Variants in KDM1B observed in about 807,000 individuals in gnomAD.
The protein encoded by KDM1B is lysine demethylase 1B.
KDM1B carries 63 observed loss-of-function variants against 107.4 expected under a neutral mutation model. That is an observed-to-expected ratio of 0.59 (90% CI 0.48 to 0.72). The LOEUF (loss-of-function observed/expected upper bound fraction) is 0.72. Among genes scored for constraint, KDM1B ranks in the 30% least tolerant of loss-of-function variants. The pLI is 0.00. For synonymous variants in KDM1B, 363 were observed against 363.9 expected, an observed-to-expected ratio of 1.00 and a Z score of 0.03; for missense variants, 749 against 1,020.8, an observed-to-expected ratio of 0.73 and a Z score of 3.63.
chr6:18,166,300 G>GA lies in KDM1B; in HGVS notation c.346dup (p.Ile116AsnfsTer4). 1 of 1,609,874 alleles carries GA rather than the reference G, an allele frequency of 6.2e-7. No homozygotes were observed. Among genetic ancestry groups the GA allele is most frequent in the Non-Finnish European group, 8.5e-7 (1 of 1,176,266 alleles). On this transcript the variant is annotated frameshift_variant, in exon 6 of 22. Transcript: ENST00000650836. LOFTEE classifies it high-confidence loss of function. The stretch of plus-strand genomic sequence containing the variant: ...ATGGATATGACAAATATACTACATG[G>GA]AAAAAAATATGGACTAGCAATGGCA...
intron 7 of KDM1B, among the ~76,000 whole-genome samples, chr6:18,177,117 C>T (rs1449374434): frequency 1.3e-5 from 2 of 152,082 alleles, no homozygotes; most frequent in Non-Finnish European, 2.9e-5. Context: ...TGTTGGTAAT[C>T]TTTTAATTAC....
chr6:18,177,983 T>C (rs1405052076), intron 7 of KDM1B, among the ~76,000 whole-genome samples: 2 of 152,146 alleles, frequency 1.3e-5, no homozygotes. Context: ...CTCCCAACAG[T>C]GTTTTCTAAT....
Position 18,200,309 on chromosome 6 carries a change from T to C in KDM1B, c.1222-130T>C. On this transcript the variant is annotated intron_variant, in intron 12 of 21. Transcript: ENST00000650836. This position sits in a 1 kb window ranked among gnomAD's most constrained non-coding sequence, Gnocchi z 4.3. ...TCACACTGCCTGCTTTTTAAAGTTG[T>C]TTTTTTAGAAATATTTGGAATTAAC... The C allele has an allele frequency of 1.0e-6, 1 of 971,946 alleles. No homozygotes were observed. Among genetic ancestry groups the C allele is most frequent in the Non-Finnish European group, 1.5e-6 (1 of 666,054 alleles). The allele number at this position is 971,946 out of a possible 1,614,324, so 60.2% of individuals were successfully genotyped here. A position where few individuals can be genotyped will look rare whatever the true frequency, so the allele number is the denominator to read the frequency against.
chr6:18,173,739 A>T (rs949547796), intron 7 of KDM1B, among the ~76,000 whole-genome samples: 4 of 152,134 alleles, frequency 2.6e-5, no homozygotes, highest in African/African-American at 9.7e-5. Flanking sequence ...CCGTTTGCTA[A>T]AAAGACTGTA....
At position 18,207,599 on chromosome 6, in the gene KDM1B, C is replaced by G. The variant is rs1429690474; in HGVS notation, c.1791+70C>G. ...AGGATGTGAAGTTCTGGGCATGCGGCTCACGCAGGAGAATGGGGCTGGCTT... is the reference window on the plus strand; with the variant it reads ...AGGATGTGAAGTTCTGGGCATGCGGGTCACGCAGGAGAATGGGGCTGGCTT... On this transcript the variant is annotated intron_variant, in intron 16 of 21. Coordinates refer to ENST00000650836, the MANE Select transcript of KDM1B (RefSeq NM_001364614.2). 196 of 1,586,646 alleles carry G rather than the reference C, an allele frequency of 1.2e-4. No homozygotes were observed. In the Admixed American group the frequency reaches 3.1e-3, roughly 25 times the overall value.
intron 2 of KDM1B, among the ~76,000 whole-genome samples, chr6:18,158,336 A>G (rs1018336202): frequency 1.3e-5 from 2 of 151,972 alleles, no homozygotes; most frequent in Non-Finnish European, 2.9e-5. Context: ...AAAAAAAAAA[A>G]AAAAAAAAAG....
At chr6:18,187,429 T>C (rs552087175) in intron 8 of KDM1B, among the ~76,000 whole-genome samples, 112 of 152,234 alleles carry the variant, frequency 7.4e-4, no homozygotes, top group African/African-American at 2.4e-3. Context: ...GATAGATGAT[T>C]ACTGAGCAGA....
intron 6 of KDM1B, among the ~76,000 whole-genome samples, chr6:18,169,205 G>A (rs1220608501): frequency 1.3e-5 from 2 of 148,542 alleles, no homozygotes; most frequent in Non-Finnish European, 3.0e-5. Flanking sequence ...TCTTTTTGTA[G>A]TTGAGTTGTA....
At chr6:18,163,835 C>T (rs533720353) in intron 5 of KDM1B, among the ~76,000 whole-genome samples, 40 of 152,060 alleles carry the variant, frequency 2.6e-4, no homozygotes, top group African/African-American at 7.7e-4. Flanking sequence ...CTTTATGGCC[C>T]GTAATGTAGT....
Position 18,199,326 on chromosome 6 carries a change from C to T in KDM1B, c.1222-1113C>T, listed in dbSNP as rs79286604. On this transcript the variant is annotated intron_variant, in intron 12 of 21. Transcript: ENST00000650836. ...AGTTTGGAGAATCAATATTCCTTTCCGCCCCATCCCCAAGTGATGGGGGAG... is the reference window on the plus strand; with the variant it reads ...AGTTTGGAGAATCAATATTCCTTTCTGCCCCATCCCCAAGTGATGGGGGAG... Among the ~76,000 whole-genome samples, 1,304 of 152,216 alleles carry T rather than the reference C, an allele frequency of 8.6e-3. 23 individuals carry two copies. The highest frequency in any genetic ancestry group is 0.029 in the African/African-American group (1,192 of 41,516).
chr6:18,187,009 C>A (rs951146375), intron 8 of KDM1B, among the ~76,000 whole-genome samples: 4 of 133,412 alleles, frequency 3.0e-5, no homozygotes, highest in South Asian at 2.4e-4. Flanking sequence ...CATTTTTTTT[C>A]CAGGCTCCAG....
intron 21 of KDM1B, 96 bp from the exon 22 acceptor site, chr6:18,221,813 C>CT (rs1789774406): frequency 3.0e-6 from 3 of 988,242 alleles, no homozygotes; most frequent in Admixed American, 2.3e-5. Flanking sequence ...TGGCACAAAT[C>CT]TTTATGTTAG....
chr6:18,169,555 A>G (rs1220558027), intron 6 of KDM1B, among the ~76,000 whole-genome samples: 1 of 152,130 alleles, frequency 6.6e-6, no homozygotes, highest in Non-Finnish European at 1.5e-5. Context: ...CTAAACCCTT[A>G]TTAGATCTAT....
Position 18,205,840 on chromosome 6 carries a change from A to G in KDM1B, c.1659+176A>G, listed in dbSNP as rs1399472005. 6.6e-6 allele frequency among the ~76,000 whole-genome samples: 1 copy of G among 152,070 alleles called. No individual in the cohort carries two copies. The highest frequency in any genetic ancestry group is 6.6e-5 in the Admixed American group (1 of 15,254). ...AACCCTGTCTCTACTAAAATACAAA[A>G]AATTAGCCAGGCCTGGTGGCGCATA... On this transcript the variant is annotated intron_variant, in intron 15 of 21. Transcript: ENST00000650836. The surrounding 1 kb of genome is among the most constrained non-coding windows in gnomAD (Gnocchi z 5.7).
chr6:18,182,702 T>A (rs12154132), intron 7 of KDM1B, among the ~76,000 whole-genome samples: 3,160 of 152,192 alleles, frequency 0.021, 61 homozygotes, highest in Non-Finnish European at 0.029. Flanking sequence ...TACTTTTTTT[T>A]AATTTTTTTG....
At chr6:18,184,273 C>CTTCTTTTT (rs1554144142) in intron 7 of KDM1B, among the ~76,000 whole-genome samples, 10 of 116,666 alleles carry the variant, frequency 8.6e-5, no homozygotes, top group Non-Finnish European at 1.2e-4. Flanking sequence ...GTTCTAGCTT[C>CTTCTTTTT]TTTTTTTTTT....
chr6:18,170,231 A>G (rs1785565162), intron 6 of KDM1B, among the ~76,000 whole-genome samples: 1 of 152,154 alleles, frequency 6.6e-6, no homozygotes, highest in African/African-American at 2.4e-5. Flanking sequence ...CTGAGTTGCT[A>G]AGATAGTACA....
chr6:18,175,853 C>G (rs1447231865), intron 7 of KDM1B, among the ~76,000 whole-genome samples: 1 of 152,100 alleles, frequency 6.6e-6, no homozygotes, highest in East Asian at 1.9e-4. Flanking sequence ...CAGTACCATG[C>G]TGTTTTGGTG....
chr6:18,193,950 C>T (rs1360783093), intron 10 of KDM1B, among the ~76,000 whole-genome samples: 5 of 152,030 alleles, frequency 3.3e-5, no homozygotes. Context: ...CTCAGCTCAC[C>T]GCAATCTCCG....
Sources: allele counts gnomAD v4.1 joint callset (sites outside exome capture counted in the v4.1 genomes callset), GRCh38; gene constraint gnomAD v4.1.1; non-coding constraint Gnocchi (gnomAD v3.1); transcripts MANE v1.5; gene names NCBI Gene and HGNC (gene_info 2026-07-23, HGNC 2026-07-21).